BTBD9: variants seen among roughly 807,000 people sequenced by gnomAD.
BTBD9 encodes BTB domain containing 9, also known as BTB/POZ domain-containing protein 9.
In BTBD9, 49 loss-of-function variants were observed where a neutral mutation model predicts 64.3. The observed-to-expected ratio is 0.76, with a 90% CI of 0.61 to 0.97. The LOEUF is 0.97. Among genes scored for constraint, BTBD9 ranks in the 50% least tolerant of loss-of-function variants. The pLI, the probability that BTBD9 is intolerant of heterozygous loss-of-function variation, is 0.00. For synonymous variants in BTBD9, 260 were observed against 274.7 expected, an observed-to-expected ratio of 0.95 and a Z score of 0.53; for missense variants, 598 against 762.1, an observed-to-expected ratio of 0.78 and a Z score of 2.53.
chr6:38,319,672 A>G (rs1763161696), intron 7 of BTBD9, among the ~76,000 whole-genome samples: 1 of 151,728 alleles, frequency 6.6e-6, no homozygotes, highest in South Asian at 2.1e-4. Flanking sequence ...GGTGCAAAAC[A>G]AAGTCCTCTT....
chr6:38,440,740 T>A (rs1436899253), intron 6 of BTBD9, among the ~76,000 whole-genome samples: 1 of 152,230 alleles, frequency 6.6e-6, no homozygotes, highest in Non-Finnish European at 1.5e-5. Context: ...GTTGAATGTC[T>A]ACTTTATAAT....
chr6:38,450,446 G>A (rs1769478974), intron 6 of BTBD9, among the ~76,000 whole-genome samples: 1 of 152,176 alleles, frequency 6.6e-6, no homozygotes, highest in Non-Finnish European at 1.5e-5. Flanking sequence ...ATAACTATGT[G>A]AGGTAATGCA....
chr6:38,478,735 T>G (rs541446969), intron 6 of BTBD9, among the ~76,000 whole-genome samples: 2 of 152,250 alleles, frequency 1.3e-5, no homozygotes, highest in Non-Finnish European at 2.9e-5. Context: ...TAAGAACTCC[T>G]GTTTTCCTTG....
At chr6:38,603,120 TG>T (rs1161012614) in intron 1 of BTBD9, among the ~76,000 whole-genome samples, 14 of 151,978 alleles carry the variant, frequency 9.2e-5, no homozygotes, top group African/African-American at 2.9e-4. Flanking sequence ...TGCCTCAAGG[TG>T]GGAGGAAGAA....
intron 7 of BTBD9, among the ~76,000 whole-genome samples, chr6:38,303,854 T>C (rs1762504527): frequency 8.5e-6 from 1 of 117,392 alleles, no homozygotes; most frequent in Non-Finnish European, 1.7e-5. Context: ...TATATATATA[T>C]ATATATATAT....
At chr6:38,263,500 C>T (rs944550737) in intron 8 of BTBD9, among the ~76,000 whole-genome samples, 3 of 152,158 alleles carry the variant, frequency 2.0e-5, no homozygotes, top group African/African-American at 7.2e-5. Context: ...TTGGAAGCTG[C>T]CCAATCCATG....
intron 8 of BTBD9, among the ~76,000 whole-genome samples, chr6:38,266,836 T>C (rs1183960596): frequency 6.6e-6 from 1 of 152,228 alleles, no homozygotes; most frequent in Admixed American, 6.5e-5. Flanking sequence ...ATCAAAAATA[T>C]TGGGAACCCC....
intron 9 of BTBD9, among the ~76,000 whole-genome samples, chr6:38,209,292 T>C (rs1317521274): frequency 6.6e-6 from 1 of 152,210 alleles, no homozygotes; most frequent in East Asian, 1.9e-4. Context: ...AAATGGACTC[T>C]TGTACAGTAA....
chr6:38,175,977 G>C (rs548684474), intron 10 of BTBD9, among the ~76,000 whole-genome samples: 1 of 152,366 alleles, frequency 6.6e-6, no homozygotes, highest in South Asian at 2.1e-4. Flanking sequence ...TTGCATACCT[G>C]ACAGCAGGTC....
chr6:38,628,608 A>G (rs1778251465), intron 1 of BTBD9, among the ~76,000 whole-genome samples: 1 of 152,220 alleles, frequency 6.6e-6, no homozygotes, highest in Non-Finnish European at 1.5e-5. Flanking sequence ...GTATGAACTT[A>G]TGGTTAATAT....
chr6:38,549,215 T>C (rs190648160), intron 6 of BTBD9, among the ~76,000 whole-genome samples: 2 of 152,362 alleles, frequency 1.3e-5, no homozygotes, highest in East Asian at 3.9e-4. Flanking sequence ...AGATAAAACA[T>C]GATGCTAAAT....
chr6:38,396,674 A>C (rs1258818061), intron 6 of BTBD9, among the ~76,000 whole-genome samples: 1 of 152,226 alleles, frequency 6.6e-6, no homozygotes, highest in Non-Finnish European at 1.5e-5. Context: ...TGCCTACTGC[A>C]GTAGTCACTG....
chr6:38,406,274 G>C (rs1001520122), intron 6 of BTBD9, among the ~76,000 whole-genome samples: 1 of 152,100 alleles, frequency 6.6e-6, no homozygotes, highest in Non-Finnish European at 1.5e-5. Flanking sequence ...ATAGGCCAAA[G>C]GCAAAATTCT....
At chr6:38,279,473 G>GT (rs1316056108) in intron 8 of BTBD9, among the ~76,000 whole-genome samples, 1 of 151,984 alleles carries the variant, frequency 6.6e-6, no homozygotes, top group South Asian at 2.1e-4. Context: ...CCCTTCATCA[G>GT]TTTTTTCAGA....
chr6:38,384,287 A>G (rs1018453904), intron 6 of BTBD9, among the ~76,000 whole-genome samples: 3 of 152,236 alleles, frequency 2.0e-5, no homozygotes, highest in Admixed American at 6.5e-5. Context: ...CTTCTCTGCT[A>G]TAACATCAAA....
At chr6:38,375,834 T>TTAA (rs1430867632) in intron 6 of BTBD9, among the ~76,000 whole-genome samples, 1 of 148,040 alleles carries the variant, frequency 6.8e-6, no homozygotes, top group African/African-American at 2.5e-5. Context: ...AAATTTGGAC[T>TTAA]TAACTAAAAC....
intron 6 of BTBD9, among the ~76,000 whole-genome samples, chr6:38,368,296 C>T (rs1473107555): frequency 6.6e-6 from 1 of 152,118 alleles, no homozygotes; most frequent in Non-Finnish European, 1.5e-5. Flanking sequence ...GAATACATTG[C>T]CCCTTTTGAT....
intron 7 of BTBD9, among the ~76,000 whole-genome samples, chr6:38,334,618 AACATAACATAAAAT>A (rs1185096446): frequency 1.4e-5 from 2 of 145,440 alleles, no homozygotes; most frequent in Non-Finnish European, 2.9e-5. Flanking sequence ...AACATAACAT[AACATAACATAAAAT>A]AAATAAAATA....
chr6:38,569,523 T>G (rs1348181274), intron 6 of BTBD9, among the ~76,000 whole-genome samples: 1 of 152,184 alleles, frequency 6.6e-6, no homozygotes, highest in Non-Finnish European at 1.5e-5. Flanking sequence ...TGGCTATTTG[T>G]GGTAATAACA....
Sources: allele counts gnomAD v4.1 joint callset (sites outside exome capture counted in the v4.1 genomes callset), GRCh38; gene constraint gnomAD v4.1.1; transcripts MANE v1.5; gene names NCBI Gene and HGNC (gene_info 2026-07-23, HGNC 2026-07-21).